PTPRR: variants seen among roughly 807,000 people sequenced by gnomAD.
PTPRR encodes receptor-type tyrosine-protein phosphatase R.
A neutral mutation model predicts 77.2 loss-of-function variants in PTPRR; 38 were observed. The ratio of observed to expected loss-of-function variants is 0.49; its 90% CI spans 0.38 to 0.65. The LOEUF (loss-of-function observed/expected upper bound fraction) is 0.65, where lower values mean the gene tolerates loss of function less well. PTPRR is among the 30% of genes least tolerant of loss of function. PTPRR has a pLI of 0.00. For missense variants in PTPRR, 744 were observed against 799.2 expected (o/e 0.93, Z 0.83); for synonymous variants, 299 against 283.1 (o/e 1.06, Z -0.57).
chr12:70,875,687 A>G (rs1157534527), intron 2 of PTPRR, among the ~76,000 whole-genome samples: 1 of 152,098 alleles, frequency 6.6e-6, no homozygotes. Context: ...TTTTTGAAAG[A>G]GACAAAAATG....
At chr12:70,872,792 G>T (rs12308609) in intron 2 of PTPRR, among the ~76,000 whole-genome samples, 2 of 149,236 alleles carry the variant, frequency 1.3e-5, no homozygotes, top group African/African-American at 5.0e-5. Flanking sequence ...TCTTAAATGA[G>T]ATGACTTTGT....
rs1405003469 is a variant in PTPRR at position 70,904,647 on chromosome 12, T to C, written c.59-11670A>G. On this transcript the variant is annotated intron_variant, in intron 1 of 13. Coordinates refer to ENST00000283228, the MANE Select transcript of PTPRR (RefSeq NM_002849.4). ...GAATCTATACATGTGTGAAAATTCA[T>C]AGAACTATACACCAAAAAAGTCAAT... Among the ~76,000 whole-genome samples, 4 of 151,948 alleles carry C rather than the reference T, an allele frequency of 2.6e-5. No homozygotes were observed. In the South Asian group the frequency reaches 6.2e-4, roughly 24 times the overall value.
At chr12:70,672,509 T>G in intron 10 of PTPRR, 12 of 1,229,016 alleles carry the variant, frequency 9.8e-6, no homozygotes, top group Non-Finnish European at 1.3e-5. Flanking sequence ...GACTGGCAAA[T>G]GAGACATGAT....
intron 10 of PTPRR, among the ~76,000 whole-genome samples, chr12:70,682,335 G>A (rs1887705946): frequency 6.6e-6 from 1 of 152,062 alleles, no homozygotes; most frequent in Non-Finnish European, 1.5e-5. Flanking sequence ...GAGCCACCGC[G>A]CCCGGCCGTT....
chr12:70,802,010 G>A (rs1891625276), intron 2 of PTPRR, among the ~76,000 whole-genome samples: 1 of 152,090 alleles, frequency 6.6e-6, no homozygotes, highest in Non-Finnish European at 1.5e-5. Context: ...CCACAAAATT[G>A]AGAGAATATT....
intron 10 of PTPRR, among the ~76,000 whole-genome samples, chr12:70,679,373 G>A (rs920206863): frequency 2.6e-5 from 4 of 152,136 alleles, no homozygotes; most frequent in Admixed American, 6.5e-5. Flanking sequence ...CAGTTGTTGG[G>A]TGAAATATTC....
chr12:70,703,973 G>T (rs1195830262), intron 6 of PTPRR, among the ~76,000 whole-genome samples: 1 of 152,170 alleles, frequency 6.6e-6, no homozygotes, highest in East Asian at 1.9e-4. Flanking sequence ...GAAAAAAAGT[G>T]TAGGAGAATA....
intron 2 of PTPRR, among the ~76,000 whole-genome samples, chr12:70,854,850 A>G (rs1892626676): frequency 6.6e-6 from 1 of 152,244 alleles, no homozygotes; most frequent in South Asian, 2.1e-4. Context: ...ATGTACTAAC[A>G]TTTGTAAAAT....
chr12:70,911,750 GAAAAAAAAA>G (rs35226592), intron 1 of PTPRR, among the ~76,000 whole-genome samples: 2 of 105,822 alleles, frequency 1.9e-5, no homozygotes. Context: ...AGGCTCAACT[GAAAAAAAAA>G]AAAAAAAACC....
chr12:70,694,413 C>A (rs1197216023), intron 8 of PTPRR, among the ~76,000 whole-genome samples: 1 of 152,002 alleles, frequency 6.6e-6, no homozygotes, highest in Non-Finnish European at 1.5e-5. Context: ...AGATGCCCAT[C>A]AACAGTGGAT....
intron 1 of PTPRR, among the ~76,000 whole-genome samples, chr12:70,897,468 C>A (rs1273657537): frequency 2.0e-5 from 3 of 151,858 alleles, no homozygotes; most frequent in South Asian, 4.2e-4. Flanking sequence ...CCATCTCACA[C>A]CAGTTAGAAT....
intron 1 of PTPRR, among the ~76,000 whole-genome samples, chr12:70,909,791 C>T (rs1166675324): frequency 6.6e-6 from 1 of 152,174 alleles, no homozygotes; most frequent in Non-Finnish European, 1.5e-5. Context: ...GATGATACCG[C>T]ATGTCCTACC....
intron 2 of PTPRR, among the ~76,000 whole-genome samples, chr12:70,840,340 T>C (rs1315329250): frequency 1.3e-5 from 2 of 152,166 alleles, no homozygotes; most frequent in African/African-American, 4.8e-5. Flanking sequence ...CCTGTCTTTT[T>C]CTCCCACTTT....
At chr12:70,917,187 T>C (rs988997532) in intron 1 of PTPRR, among the ~76,000 whole-genome samples, 12 of 152,174 alleles carry the variant, frequency 7.9e-5, no homozygotes, top group Admixed American at 3.9e-4. Context: ...TTTAATTGCC[T>C]CCTTGAATAT....
chr12:70,672,536 TGG>T (rs1356374026), intron 10 of PTPRR: 36 of 1,306,928 alleles, frequency 2.8e-5, no homozygotes, highest in Non-Finnish European at 3.8e-5. Context: ...CAGTGGCTGC[TGG>T]GAAAAACCTT....
At chr12:70,738,322 G>A (rs1889939413) in intron 6 of PTPRR, among the ~76,000 whole-genome samples, 1 of 152,052 alleles carries the variant, frequency 6.6e-6, no homozygotes, top group Non-Finnish European at 1.5e-5. Flanking sequence ...AACCCTTGGG[G>A]GCCTACTGAG....
intron 3 of PTPRR, among the ~76,000 whole-genome samples, chr12:70,762,692 T>C (rs536068202): frequency 6.4e-4 from 98 of 152,348 alleles, no homozygotes; most frequent in African/African-American, 2.2e-3. Context: ...AAAACACCGC[T>C]AAGCGATAGG....
chr12:70,782,840 A>C (rs1891233223), intron 2 of PTPRR, among the ~76,000 whole-genome samples: 1 of 152,194 alleles, frequency 6.6e-6, no homozygotes, highest in Non-Finnish European at 1.5e-5. Context: ...GTATAATAAA[A>C]AAATAAACAA....
intron 2 of PTPRR, among the ~76,000 whole-genome samples, chr12:70,836,439 T>G (rs1892305966): frequency 6.6e-6 from 1 of 152,004 alleles, no homozygotes; most frequent in Non-Finnish European, 1.5e-5. Context: ...CTGGGAAGCT[T>G]AGATAATTTT....
Sources: allele counts gnomAD v4.1 joint callset (sites outside exome capture counted in the v4.1 genomes callset), GRCh38; gene constraint gnomAD v4.1.1; transcripts MANE v1.5; gene names NCBI Gene and HGNC (gene_info 2026-07-23, HGNC 2026-07-21).